Variants in CSTPP1 observed in about 807,000 individuals in gnomAD.
CSTPP1 encodes centriolar satellite-associated tubulin polyglutamylase complex regulator 1.
At chr11:47,062,056 A>G in the CSTPP1 span, among the ~76,000 whole-genome samples, 1 of 152,126 alleles carries the variant, frequency 6.6e-6, no homozygotes, top group Non-Finnish European at 1.5e-5. Flanking sequence ...TTTAAAGGTC[A>G]GGTCCTTAAA....
At chr11:47,162,403 G>A in the CSTPP1 span, among the ~76,000 whole-genome samples, 7 of 152,282 alleles carry the variant, frequency 4.6e-5, no homozygotes, top group African/African-American at 1.7e-4. Flanking sequence ...CTTCGCACAA[G>A]AGCAACCTTC....
At chr11:47,105,008 T>C in the CSTPP1 span, among the ~76,000 whole-genome samples, 3 of 152,220 alleles carry the variant, frequency 2.0e-5, no homozygotes, top group Non-Finnish European at 2.9e-5. Flanking sequence ...AGTTCCAGAG[T>C]ACCAGGGTTT....
At chr11:47,137,703 G>A in the CSTPP1 span, 1,018 of 1,614,012 alleles carry the variant, frequency 6.3e-4, 1 homozygote, top group Admixed American at 3.7e-3. Context: ...CTGATTTCCC[G>A]CTGGAGCTCA....
the CSTPP1 span, among the ~76,000 whole-genome samples, chr11:47,120,426 T>A: frequency 2.0e-5 from 3 of 152,212 alleles, no homozygotes; most frequent in Admixed American, 2.0e-4. This position sits in a 1 kb window ranked among gnomAD's most constrained non-coding sequence, Gnocchi z 4.2. Context: ...TTAGTTTCTC[T>A]ATCTGTAAAA....
the CSTPP1 span, among the ~76,000 whole-genome samples, chr11:46,999,260 G>A: frequency 6.6e-6 from 1 of 151,492 alleles, no homozygotes. Context: ...ATAATATGCA[G>A]TTTTTACTAA....
chr11:47,040,860 C>T, the CSTPP1 span, among the ~76,000 whole-genome samples: 1 of 126,986 alleles, frequency 7.9e-6, no homozygotes, highest in African/African-American at 2.5e-5. Context: ...GGGTATGCTT[C>T]AATTATTTAT....
the CSTPP1 span, among the ~76,000 whole-genome samples, chr11:47,007,642 T>C: frequency 6.6e-6 from 1 of 152,216 alleles, no homozygotes; most frequent in Non-Finnish European, 1.5e-5. Context: ...TACTCCATTA[T>C]CTTATCTTGT....
chr11:47,011,122 T>C, the CSTPP1 span, among the ~76,000 whole-genome samples: 5 of 152,228 alleles, frequency 3.3e-5, no homozygotes, highest in African/African-American at 9.6e-5. Flanking sequence ...TGAAGTCTAT[T>C]TGAGGAATTT....
At chr11:46,950,059 G>A in the CSTPP1 span, among the ~76,000 whole-genome samples, 2 of 151,962 alleles carry the variant, frequency 1.3e-5, no homozygotes, top group Non-Finnish European at 2.9e-5. Context: ...AAACAGCTTT[G>A]GCTGTTCAGA....
the CSTPP1 span, among the ~76,000 whole-genome samples, chr11:46,940,278 A>T: frequency 6.6e-6 from 1 of 152,208 alleles, no homozygotes; most frequent in African/African-American, 2.4e-5. Context: ...GCACTGGTAA[A>T]CAAGTTGTTT....
chr11:47,129,594 G>A, the CSTPP1 span, among the ~76,000 whole-genome samples: 1 of 152,180 alleles, frequency 6.6e-6, no homozygotes, highest in South Asian at 2.1e-4. Context: ...GCCCCATCGT[G>A]ATGAACAGAC....
the CSTPP1 span, among the ~76,000 whole-genome samples, chr11:46,990,943 G>A: frequency 1.3e-5 from 2 of 152,114 alleles, no homozygotes; most frequent in Non-Finnish European, 2.9e-5. Context: ...TGTTTTAAGT[G>A]TGTGCTTTAT....
At chr11:47,058,412 A>G in the CSTPP1 span, among the ~76,000 whole-genome samples, 1 of 152,196 alleles carries the variant, frequency 6.6e-6, no homozygotes, top group Non-Finnish European at 1.5e-5. Context: ...AAATTAATCA[A>G]TAGAAACACA....
chr11:46,988,515 CAATT>C, the CSTPP1 span, among the ~76,000 whole-genome samples: 1 of 150,984 alleles, frequency 6.6e-6, no homozygotes, highest in African/African-American at 2.4e-5. Flanking sequence ...AAAATCAAAA[CAATT>C]AAACTCATGG....
the CSTPP1 span, among the ~76,000 whole-genome samples, chr11:47,011,343 G>A: frequency 4.0e-3 from 607 of 152,202 alleles, 2 homozygotes; most frequent in African/African-American, 0.014. Flanking sequence ...CAAGAATTTG[G>A]GTATCCAGAT....
chr11:47,137,486 T>G, the CSTPP1 span: 8 of 1,501,392 alleles, frequency 5.3e-6, no homozygotes, highest in African/African-American at 1.4e-5. Context: ...TCTTAAAATC[T>G]CACACCTGGA....
At chr11:47,131,553 C>A in the CSTPP1 span, among the ~76,000 whole-genome samples, 4 of 152,276 alleles carry the variant, frequency 2.6e-5, no homozygotes, top group Middle Eastern at 6.8e-3. Context: ...GTGGATATAA[C>A]CAACAGAAGA....
the CSTPP1 span, among the ~76,000 whole-genome samples, chr11:47,149,832 C>T: frequency 6.6e-6 from 1 of 152,050 alleles, no homozygotes; most frequent in Non-Finnish European, 1.5e-5. Context: ...CTTGGGACAA[C>T]ACTGTCAGAG....
chr11:47,138,337 T>C, the CSTPP1 span, among the ~76,000 whole-genome samples: 1 of 152,112 alleles, frequency 6.6e-6, no homozygotes, highest in Non-Finnish European at 1.5e-5. Context: ...CCAATCACCT[T>C]CCACCAGGTC....
Sources: gnomAD v4.1 joint callset for allele counts (sites outside exome capture counted in the v4.1 genomes callset) on GRCh38, gnomAD v4.1.1 for gene constraint, Gnocchi (gnomAD v3.1) non-coding constraint, MANE v1.5 for transcripts, NCBI Gene and HGNC (gene_info 2026-07-23, HGNC 2026-07-21) for gene names.